PARP14: variants seen among roughly 807,000 people sequenced by gnomAD.
PARP14 encodes protein mono-ADP-ribosyltransferase PARP14.
Under a neutral mutation model 154.2 loss-of-function variants are expected in PARP14, and 59 were observed. The observed-to-expected ratio is 0.38, with a 90% CI of 0.31 to 0.48. The LOEUF is 0.48. PARP14 is among the 20% of genes least tolerant of loss of function. PARP14 has a pLI of 0.98. For synonymous variants in PARP14, 720 were observed against 780.5 expected (o/e 0.92, Z 1.29); for missense variants, 1,734 against 2,131.6 (o/e 0.81, Z 3.67).
In PARP14 at chr3:122,700,642, G is replaced by C. The variant is rs1938932796; in HGVS notation, c.2088G>C (p.Lys696Asn). The change falls in exon 6 of 17, where the codon AAG (lysine) becomes AAC (asparagine). Residue 696 changes from lysine to asparagine, a missense_variant. Around this residue, in one of 2 missense-constraint regions of PARP14, gnomAD observed 1,646 missense variants for 1,976.0 expected, o/e 0.83. Coordinates refer to ENST00000474629, the MANE Select transcript of PARP14 (RefSeq NM_017554.3). ...CAGAAAAGAAGCTATTCTGGCCAAA[G>C]ATAAAGAAGGTAAATGTGCAGGTAA... ...LKTEKKLFWP[K>N]IKKVNVQVSF... 1.9e-6 allele frequency: 3 copies of C among 1,605,806 alleles called. No homozygotes were observed. Among genetic ancestry groups the C allele is most frequent in the Non-Finnish European group, 1.7e-6 (2 of 1,175,808 alleles).
rs773729810 is a variant in PARP14 at position 122,713,515 on chromosome 3, G to A, written c.3711G>A (p.Thr1237=). The A allele has an allele frequency of 3.7e-6, 6 of 1,613,478 alleles. No individual in the cohort carries two copies. The highest frequency in any genetic ancestry group is 1.6e-4 in the Middle Eastern group (1 of 6,062). Residue 1237 remains threonine, a synonymous_variant, in exon 10 of 17, where the codon ACG becomes ACA. Transcript: ENST00000474629. ...TCCAGGTGGCTTCTGGAGATATCAC[G>A]AAAGAAGAGGCAGATGTGATTGTAA... ...IIFQVASGDI[T]KEEADVIVNS...
rs747441824 is a variant in PARP14, at chr3:122,718,234, G to C, written c.4164G>C (p.Gly1388=). Residue 1388 remains glycine (G), a synonymous_variant, in exon 13 of 17, where the codon GGG becomes GGC. Transcript: ENST00000474629. ...VFYANMKKRE[G]TQLSSQQSVM... The stretch of plus-strand genomic sequence containing the variant: ...ATGCCAACATGAAGAAAAGAGAAGG[G>C]ACTCAGCTTTCTTCCCAACAGTCTG... 6.2e-7 allele frequency: 1 copy of C among 1,613,586 alleles called. No individual in the cohort carries two copies. Among genetic ancestry groups the C allele is most frequent in the East Asian group, 2.2e-5 (1 of 44,872 alleles).
Position 122,703,792 on chromosome 3 carries a change from G to A in PARP14, c.3132G>A (p.Gly1044=), listed in dbSNP as rs772240731. 2 of 1,613,758 alleles carry A rather than the reference G, an allele frequency of 1.2e-6. No individual in the cohort carries two copies. The highest frequency in any genetic ancestry group is 3.3e-5 in the Admixed American group (2 of 59,996). ...SVPLDLVLSR[G]PLSKSLLEKA... ...CCTTGGATCTCGTGCTTAGTAGAGG[G>A]CCTCTTTCTAAGTCCCTCTTGGAAA... Residue 1044 remains glycine, a synonymous_variant, in exon 7 of 17, where the codon GGG becomes GGA. Transcript: ENST00000474629.
chr3:122,727,668 T>A, intron 15 of PARP14, 144 bp from the exon 16 acceptor site: 1 of 494,250 alleles, frequency 2.0e-6, no homozygotes, highest in Non-Finnish European at 3.5e-6. Flanking sequence ...TAAAAAGGTT[T>A]CTGAATGCAG....
At chr3:122,691,410 A>G (rs1257103775) in intron 3 of PARP14, among the ~76,000 whole-genome samples, 3 of 152,338 alleles carry the variant, frequency 2.0e-5, no homozygotes, top group African/African-American at 7.2e-5. Flanking sequence ...AACAGTGGAG[A>G]GGAATGAGTC....
Position 122,729,881 on chromosome 3 carries a change from A to T in PARP14, c.*1284A>T, listed in dbSNP as rs1446049186. 6.6e-6 allele frequency: 1 copy of T among 152,204 alleles called. No individual in the cohort carries two copies. Among genetic ancestry groups the T allele is most frequent in the Non-Finnish European group, 1.5e-5 (1 of 68,038 alleles). 9.4% of individuals were successfully genotyped at this position (152,204 alleles called of 1,614,324 possible). A position where few individuals can be genotyped will look rare whatever the true frequency, so the allele number is the denominator to read the frequency against. ...ATTTTCCTTGACAGCCTAGCGTTTGATGATTTTAAAGCCTTATGTATAAAT... is the reference window on the plus strand; with the variant it reads ...ATTTTCCTTGACAGCCTAGCGTTTGTTGATTTTAAAGCCTTATGTATAAAT... On this transcript the variant is annotated 3_prime_UTR_variant, in exon 17 of 17. Transcript: ENST00000474629.
Position 122,699,970 on chromosome 3 carries a change from C to A in PARP14, c.1416C>A (p.Ile472=), listed in dbSNP as rs1938900827. 1.9e-6 allele frequency: 3 copies of A among 1,613,760 alleles called. No individual in the cohort carries two copies. In the South Asian group the frequency reaches 3.3e-5, roughly 18 times the overall value. Residue 472 remains isoleucine (I), a synonymous_variant, in exon 6 of 17, where the codon ATC becomes ATA. Transcript: ENST00000474629. ...REEQSLKEKM[I]ISPGRYFLLC... is the part of the protein sequence containing the mutation. Reference sequence around the variant, plus strand: ...AGCAAAGTTTGAAGGAAAAAATGATCATTTCTCCAGGCAGGTATTTTCTTT... The same window carrying A: ...AGCAAAGTTTGAAGGAAAAAATGATAATTTCTCCAGGCAGGTATTTTCTTT...
Position 122,708,229 on chromosome 3 carries a change from C to A in PARP14, c.3580C>A (p.Leu1194Ile). Residue 1194 changes from leucine (L) to isoleucine (I), a missense_variant, in exon 9 of 17, where the codon CTC (leucine) becomes ATC (isoleucine). This residue lies in a region of PARP14 where 1,646 missense variants were observed against 1,976.0 expected (regional missense o/e 0.83). Coordinates refer to ENST00000474629, the MANE Select transcript of PARP14 (RefSeq NM_017554.3). ...ATTTGCCAGAAGGGCTAATGGAAAT[C>A]TCGTCAGTGACAAAATTCCGAAGGC... is the stretch of plus-strand genomic sequence containing the variant. ...DEFARRANGNLVSDKIPKAKD... is the reference protein window; with the variant it reads ...DEFARRANGNIVSDKIPKAKD... The A allele has an allele frequency of 1.3e-6, 2 of 1,575,690 alleles. No individual in the cohort carries two copies. Among genetic ancestry groups the A allele is most frequent in the Non-Finnish European group, 1.7e-6 (2 of 1,158,264 alleles).
intron 12 of PARP14, among the ~76,000 whole-genome samples, chr3:122,715,647 T>G (rs867541309): frequency 8.2e-5 from 12 of 146,978 alleles, no homozygotes; most frequent in African/African-American, 2.0e-4. Context: ...TCTATCTATC[T>G]ATCTATCGAT....
chr3:122,699,234 C>G (rs1938871613), intron 5 of PARP14, among the ~76,000 whole-genome samples, 156 bp from the exon 6 acceptor site: 1 of 152,052 alleles, frequency 6.6e-6, no homozygotes, highest in Non-Finnish European at 1.5e-5. Flanking sequence ...TTTTTCTTTG[C>G]CACATATCAT....
chr3:122,719,059 T>C, intron 14 of PARP14, 101 bp downstream of exon 14: 1 of 1,148,136 alleles, frequency 8.7e-7, no homozygotes, highest in Non-Finnish European at 1.2e-6. Context: ...AAAAAATTCA[T>C]GTGACACTAA....
intron 13 of PARP14, 27 bp downstream of exon 13, chr3:122,718,304 A>G (rs767412501): frequency 5.0e-5 from 80 of 1,611,758 alleles, no homozygotes; most frequent in Non-Finnish European, 6.4e-5. Context: ...TATGAAATGC[A>G]TGTTCATAAC....
chr3:122,691,681 T>C (rs2668331), intron 3 of PARP14, among the ~76,000 whole-genome samples: 105,461 of 152,074 alleles, frequency 0.69, 38,158 homozygotes, highest in African/African-American at 0.91. Context: ...TACCATATGC[T>C]AGCAATACAA....
intron 12 of PARP14, among the ~76,000 whole-genome samples, chr3:122,716,636 A>G (rs933936796): frequency 1.3e-5 from 2 of 152,084 alleles, no homozygotes; most frequent in Admixed American, 6.6e-5. Flanking sequence ...TTTACTTCCA[A>G]AATAGCTCCT....
At chr3:122,706,267 T>G (rs1939147882) in intron 8 of PARP14, among the ~76,000 whole-genome samples, 1 of 152,196 alleles carries the variant, frequency 6.6e-6, no homozygotes. Context: ...TCTGTTACAC[T>G]TTTTCTCTTT....
chr3:122,701,044 T>C lies in PARP14; in HGVS notation c.2490T>C (p.Tyr830=), dbSNP rs368427023. The change falls in exon 6 of 17, where the codon TAT becomes TAC. Residue 830 remains tyrosine (Y), a synonymous_variant. Coordinates refer to ENST00000474629, the MANE Select transcript of PARP14 (RefSeq NM_017554.3). This position sits in a 1 kb window ranked among gnomAD's most constrained non-coding sequence, Gnocchi z 4.0. ...VNASNEDLKH[Y]GGLAAALSKA... ...CATCTAATGAGGACCTTAAGCATTA[T>C]GGTGGCCTGGCCGCTGCGCTCTCAA... 1.8e-4 allele frequency: 295 copies of C among 1,613,892 alleles called. No individual in the cohort carries two copies. Among genetic ancestry groups the C allele is most frequent in the Non-Finnish European group, 2.3e-4 (269 of 1,179,874 alleles).
chr3:122,689,375 G>C (rs1938471340), intron 3 of PARP14, among the ~76,000 whole-genome samples: 1 of 152,088 alleles, frequency 6.6e-6, no homozygotes. Flanking sequence ...AGGCTGTCTT[G>C]GCTCACTGCA....
chr3:122,725,502 G>A (rs1410571594), intron 15 of PARP14, among the ~76,000 whole-genome samples: 1 of 152,072 alleles, frequency 6.6e-6, no homozygotes, highest in Non-Finnish European at 1.5e-5. Context: ...TTTAATAATA[G>A]TACATTCTTA....
Position 122,718,593 on chromosome 3 carries a change from A to C in PARP14, c.4442A>C (p.Lys1481Thr). Reference sequence around the variant, plus strand: ...CAGGAGTTGAATGAGCTGCAGAAGAAGTTAAATATTAACATTTCCCTGGAC... The same window carrying C: ...CAGGAGTTGAATGAGCTGCAGAAGACGTTAAATATTAACATTTCCCTGGAC... ...EYQELNELQKKLNINISLDHK... is the reference protein window; with the variant it reads ...EYQELNELQKTLNINISLDHK... Residue 1481 changes from lysine (K) to threonine (T), a missense_variant, in exon 14 of 17, where the codon AAG becomes ACG. Around this residue, in one of 2 missense-constraint regions of PARP14, gnomAD observed 1,646 missense variants for 1,976.0 expected, o/e 0.83. Transcript: ENST00000474629. The C allele has an allele frequency of 6.2e-7, 1 of 1,613,984 alleles. No individual in the cohort carries two copies. The highest frequency in any genetic ancestry group is 1.1e-5 in the South Asian group (1 of 91,080).
Sources: allele counts gnomAD v4.1 joint callset (sites outside exome capture counted in the v4.1 genomes callset), GRCh38; gene constraint gnomAD v4.1.1; regional missense constraint gnomAD v4.1.1; non-coding constraint Gnocchi (gnomAD v3.1); transcripts MANE v1.5; gene names NCBI Gene and HGNC (gene_info 2026-07-23, HGNC 2026-07-21).